AXDND1: variants seen among roughly 807,000 people sequenced by gnomAD.
AXDND1 encodes axonemal dynein light chain domain-containing protein 1.
Under a neutral mutation model 137.5 loss-of-function variants are expected in AXDND1, and 110 were observed. The ratio of observed to expected loss-of-function variants is 0.80; its 90% CI spans 0.69 to 0.94. The LOEUF (loss-of-function observed/expected upper bound fraction) is 0.94. Ranked by LOEUF, AXDND1 falls within the 40% of genes least tolerant of loss-of-function variation. AXDND1 has a pLI of 0.00. For synonymous variants in AXDND1, 414 were observed against 399.7 expected (o/e 1.04, Z -0.43); for missense variants, 1,191 against 1,169.8 (o/e 1.02, Z -0.26).
At chr1:179,451,997 G>A (rs1660610378) in intron 16 of AXDND1, 1 of 153,092 alleles carries the variant, frequency 6.5e-6, no homozygotes, top group South Asian at 2.1e-4. Context: ...ACAGGCAGAA[G>A]TTGAAATGGT....
At chr1:179,380,892 A>G (rs1370164283) in intron 6 of AXDND1, among the ~76,000 whole-genome samples, 1 of 152,158 alleles carries the variant, frequency 6.6e-6, no homozygotes, top group African/African-American at 2.4e-5. Context: ...ACTTTGTCTC[A>G]TTTGCTCTTA....
At chr1:179,482,341 G>A (rs2125538730) in intron 17 of AXDND1, among the ~76,000 whole-genome samples, 1 of 152,164 alleles carries the variant, frequency 6.6e-6, no homozygotes, top group South Asian at 2.1e-4. Context: ...TTCTCAGCAT[G>A]CTATGCATAG....
At chr1:179,457,292 C>T in intron 16 of AXDND1, 1 of 654,054 alleles carries the variant, frequency 1.5e-6, no homozygotes, top group Non-Finnish European at 2.7e-6. Context: ...GGAAGAGCTT[C>T]CTCAACTGTT....
chr1:179,545,918 T>A (rs1328550996), intron 25 of AXDND1: 1 of 152,202 alleles, frequency 6.6e-6, no homozygotes, highest in East Asian at 1.9e-4. Flanking sequence ...TGAAAAAAGA[T>A]AATGTATTGA....
chr1:179,508,499 A>T (rs1668737821), intron 20 of AXDND1, among the ~76,000 whole-genome samples: 2 of 152,140 alleles, frequency 1.3e-5, no homozygotes, highest in Non-Finnish European at 2.9e-5. Flanking sequence ...CCTAGTTCTC[A>T]GGGCTTTTAT....
At chr1:179,447,871 T>C (rs968342919) in intron 16 of AXDND1, 5 of 1,341,746 alleles carry the variant, frequency 3.7e-6, no homozygotes, top group Non-Finnish European at 5.4e-6. Context: ...TGGTGGTCTC[T>C]GAGGAGCTCC....
At chr1:179,538,506 G>A (rs1646828966) in intron 25 of AXDND1, among the ~76,000 whole-genome samples, 1 of 152,190 alleles carries the variant, frequency 6.6e-6, no homozygotes, top group Non-Finnish European at 1.5e-5. Context: ...GTGGTTTTGA[G>A]TGAGTTTCTT....
intron 17 of AXDND1, among the ~76,000 whole-genome samples, chr1:179,482,793 G>A (rs1665577353): frequency 6.6e-6 from 1 of 151,784 alleles, no homozygotes; most frequent in African/African-American, 2.4e-5. Context: ...CATTCATTGA[G>A]AGGATTTTAA....
At chr1:179,415,063 TG>T (rs1654491708) in intron 12 of AXDND1, among the ~76,000 whole-genome samples, 1 of 152,200 alleles carries the variant, frequency 6.6e-6, no homozygotes. Flanking sequence ...AGATTTCGGC[TG>T]GGCGTGATGG....
chr1:179,533,765 T>C, intron 23 of AXDND1, 30 bp from the exon 24 acceptor site: 1 of 1,507,800 alleles, frequency 6.6e-7, no homozygotes, highest in East Asian at 2.3e-5. Context: ...AGACTGTCAG[T>C]TCATTCATAT....
At chr1:179,383,583 A>G (rs949293912) in intron 8 of AXDND1, 39 bp downstream of exon 8, 2 of 1,503,668 alleles carry the variant, frequency 1.3e-6, no homozygotes, top group Non-Finnish European at 1.8e-6. Flanking sequence ...GGCTAAGAGC[A>G]TGCACTCAGG....
At chr1:179,475,342 A>G (rs1571996291) in intron 17 of AXDND1, among the ~76,000 whole-genome samples, 2 of 152,200 alleles carry the variant, frequency 1.3e-5, no homozygotes, top group Admixed American at 6.5e-5. Flanking sequence ...CAGACATTCA[A>G]CACCAGACCA....
chr1:179,531,555 C>T (rs1364760596), intron 23 of AXDND1, among the ~76,000 whole-genome samples: 1 of 152,058 alleles, frequency 6.6e-6, no homozygotes, highest in Non-Finnish European at 1.5e-5. Flanking sequence ...CTTCAATCAC[C>T]AGGTGCTCAA....
At chr1:179,436,557 G>C (rs1658181546) in intron 15 of AXDND1, among the ~76,000 whole-genome samples, 1 of 152,096 alleles carries the variant, frequency 6.6e-6, no homozygotes, top group African/African-American at 2.4e-5. Context: ...GGATGAAGCT[G>C]GAAGCCATCA....
intron 4 of AXDND1, among the ~76,000 whole-genome samples, chr1:179,371,536 A>G (rs930132466): frequency 6.6e-6 from 1 of 152,184 alleles, no homozygotes; most frequent in African/African-American, 2.4e-5. Context: ...ACCCCACGAA[A>G]ACATTTTCAC....
rs1309850449 is a variant in AXDND1 at position 179,552,584 on chromosome 1, G to C, written c.3032-1928G>C. ...GGCCTTCCTAAAGGGCAGTCTGGGT[G>C]GGAGGATGGAGTGCTCACCCGCACT... On this transcript the variant is annotated intron_variant, in intron 25 of 25. Coordinates refer to ENST00000367618, the MANE Select transcript of AXDND1 (RefSeq NM_144696.6). 1.9e-6 allele frequency: 3 copies of C among 1,606,374 alleles called. No individual in the cohort carries two copies. The African/African-American group carries it at 4.0e-5, about 21-fold the overall frequency.
intron 12 of AXDND1, among the ~76,000 whole-genome samples, chr1:179,414,530 A>G (rs1160839429): frequency 2.0e-5 from 3 of 152,044 alleles, no homozygotes; most frequent in Non-Finnish European, 4.4e-5. Context: ...GGTTCACGCC[A>G]TTCTCCTGCC....
chr1:179,482,998 C>G, intron 17 of AXDND1, 130 bp from the exon 18 acceptor site: 3 of 530,722 alleles, frequency 5.7e-6, no homozygotes, highest in South Asian at 3.6e-5. Context: ...CCCCTTTCCT[C>G]AGTTCTCAAG....
intron 11 of AXDND1, among the ~76,000 whole-genome samples, chr1:179,406,052 G>A (rs1652904729): frequency 6.6e-6 from 1 of 151,818 alleles, no homozygotes; most frequent in East Asian, 1.9e-4. Context: ...TTATCCCATA[G>A]GCCTTGTGCT....
Sources: gnomAD v4.1 joint callset for allele counts (sites outside exome capture counted in the v4.1 genomes callset) on GRCh38, gnomAD v4.1.1 for gene constraint, MANE v1.5 for transcripts, NCBI Gene and HGNC (gene_info 2026-07-23, HGNC 2026-07-21) for gene names.